Variants in FEZF1 observed in about 807,000 individuals in gnomAD.
FEZF1 encodes FEZ family zinc finger 1.
In FEZF1, 8 loss-of-function variants were observed where a neutral mutation model predicts 32.4. That is an observed-to-expected ratio of 0.25 (90% CI 0.15 to 0.45). FEZF1 has a LOEUF of 0.45. FEZF1 is among the 20% of genes least tolerant of loss of function. The probability of loss-of-function intolerance (pLI) is 1.00; values close to 1 mark genes in which losing one functional copy is unlikely to be tolerated. For synonymous variants in FEZF1, 259 were observed against 265.2 expected, an observed-to-expected ratio of 0.98 and a Z score of 0.23; for missense variants, 546 against 622.3, an observed-to-expected ratio of 0.88 and a Z score of 1.31.
upstream of FEZF1, among the ~76,000 whole-genome samples, chr7:122,307,642 T>C (rs561943143): frequency 6.6e-6 from 1 of 152,396 alleles, no homozygotes; most frequent in South Asian, 2.1e-4. Flanking sequence ...TTGTATAGTT[T>C]ATATTTCAAC....
rs1205922729 is a variant in FEZF1 at position 122,302,794 on chromosome 7, C to T, written c.1069+5G>A. On this transcript the variant is annotated splice_donor_5th_base_variant and intron_variant, in intron 3 of 3. Coordinates refer to ENST00000442488, the MANE Select transcript of FEZF1 (RefSeq NM_001024613.4). The surrounding 1 kb of genome is among the most constrained non-coding windows in gnomAD (Gnocchi z 4.4). The stretch of plus-strand genomic sequence containing the variant: ...ACCATGAGAGACATTTCCTGGTTTG[C>T]ATACCTTTTTGATGAAACCCTTTGC... 1.9e-6 allele frequency: 3 copies of T among 1,612,984 alleles called. No homozygotes were observed. The African/African-American group carries it at 4.0e-5, about 22-fold the overall frequency.
chr7:122,303,641 C>T lies in FEZF1; in HGVS notation c.797G>A (p.Gly266Glu). ...KPKVFTCEVC[G>E]KVFNAHYNLT... Reference sequence around the variant, plus strand: ...TCCGTTTTGCATTGTACTTGCCTTTCCACACACTTCGCAAGTGAAAACTTT... The same window carrying T: ...TCCGTTTTGCATTGTACTTGCCTTTTCACACACTTCGCAAGTGAAAACTTT... The change falls in exon 1 of 4, where the codon GGA becomes GAA. Residue 266 changes from glycine to glutamate, a missense_variant. Around this residue, in one of 3 missense-constraint regions of FEZF1, gnomAD observed 345 missense variants for 360.6 expected, o/e 0.96. Coordinates refer to ENST00000442488, the MANE Select transcript of FEZF1 (RefSeq NM_001024613.4). 6 of 1,613,314 alleles carry T rather than the reference C, an allele frequency of 3.7e-6. No homozygotes were observed. The highest frequency in any genetic ancestry group is 5.1e-6 in the Non-Finnish European group (6 of 1,179,698).
chr7:122,307,705 A>C (rs994555808), upstream of FEZF1, among the ~76,000 whole-genome samples: 2 of 152,270 alleles, frequency 1.3e-5, no homozygotes, highest in Non-Finnish European at 2.9e-5. Flanking sequence ...AAGTGTTTGA[A>C]AATGTCATTT....
rs983837897 is a variant in FEZF1 at position 122,304,607 on chromosome 7, G to T, written c.-170C>A. The T allele has an allele frequency of 2.0e-6, 1 of 496,512 alleles. No individual in the cohort carries two copies. The highest frequency in any genetic ancestry group is 1.9e-5 in the African/African-American group (1 of 51,568). 30.8% of individuals were successfully genotyped at this position (496,512 alleles called of 1,614,324 possible). On this transcript the variant is annotated 5_prime_UTR_variant, in exon 1 of 4. Coordinates refer to ENST00000442488, the MANE Select transcript of FEZF1 (RefSeq NM_001024613.4). ...CCGAACCTGCCTGCCCAGCCCAATGGACTCCTGCCAGCCCATCGCAGAGTT... is the reference window on the plus strand; with the variant it reads ...CCGAACCTGCCTGCCCAGCCCAATGTACTCCTGCCAGCCCATCGCAGAGTT...
In FEZF1 at chr7:122,304,034, G is replaced by T; in HGVS notation, c.404C>A (p.Ala135Glu). 1.3e-6 allele frequency: 2 copies of T among 1,559,456 alleles called. No homozygotes were observed. Among genetic ancestry groups the T allele is most frequent in the South Asian group, 1.2e-5 (1 of 86,234 alleles). Residue 135 changes from alanine (A) to glutamate (E), a missense_variant, in exon 1 of 4, where the codon GCG becomes GAG. This residue lies in a region of FEZF1 where 345 missense variants were observed against 360.6 expected (regional missense o/e 0.96). Coordinates refer to ENST00000442488, the MANE Select transcript of FEZF1 (RefSeq NM_001024613.4). The stretch of plus-strand genomic sequence containing the variant: ...CAGCTTGTACTGCTGCAGCGGCAGC[G>T]CGTCGCGGGCCAGGTCGCCCTTGAG... ...LSLKGDLARD[A>E]LPLQQYKLVR... is the part of the protein sequence containing the mutation.
In FEZF1 at chr7:122,303,987, G is replaced by T; in HGVS notation, c.451C>A (p.His151Asn). 1 of 1,581,132 alleles carries T rather than the reference G, an allele frequency of 6.3e-7. No homozygotes were observed. Among genetic ancestry groups the T allele is most frequent in the Admixed American group, 1.8e-5 (1 of 54,208 alleles). ...YKLVRPRVVN[H>N]SSFHAMGALC... ...GCGCCCATGGCGTGGAATGAAGAGT[G>T]GTTGACCACACGCGGCCTTACCAGC... Residue 151 changes from histidine (H) to asparagine (N), a missense_variant, in exon 1 of 4, where the codon CAC becomes AAC. His to Asn is a moderately conservative substitution (Grantham distance 68, BLOSUM62 1). Around this residue, in one of 3 missense-constraint regions of FEZF1, gnomAD observed 345 missense variants for 360.6 expected, o/e 0.96. Coordinates refer to ENST00000442488, the MANE Select transcript of FEZF1 (RefSeq NM_001024613.4).
chr7:122,303,673 G>C lies in FEZF1; in HGVS notation c.765C>G (p.Ala255=). The change falls in exon 1 of 4, where the codon GCC becomes GCG. Residue 255 remains alanine, a synonymous_variant. Coordinates refer to ENST00000442488, the MANE Select transcript of FEZF1 (RefSeq NM_001024613.4). ...TSDFSRGSPN[A]KPKVFTCEVC... ...CTTCGCAAGTGAAAACTTTGGGCTTGGCATTAGGAGAGCCTCGGCTGAAAT... is the reference window on the plus strand; with the variant it reads ...CTTCGCAAGTGAAAACTTTGGGCTTCGCATTAGGAGAGCCTCGGCTGAAAT... 6.2e-7 allele frequency: 1 copy of C among 1,614,112 alleles called. No homozygotes were observed. Among genetic ancestry groups the C allele is most frequent in the East Asian group, 2.2e-5 (1 of 44,862 alleles).
At chr7:122,303,556 G>GGGAGGGAA in intron 1 of FEZF1, 81 bp downstream of exon 1, 1 of 329,656 alleles carries the variant, frequency 3.0e-6, no homozygotes, top group Admixed American at 4.0e-5. Context: ...GAAGGAAGGA[G>GGGAGGGAA]GGAAGGAGGG....
In FEZF1 at chr7:122,302,262, G is replaced by A; in HGVS notation, c.1163C>T (p.Thr388Ile). The A allele has an allele frequency of 6.2e-7, 1 of 1,614,212 alleles. No homozygotes were observed. Among genetic ancestry groups the A allele is most frequent in the Non-Finnish European group, 8.5e-7 (1 of 1,180,048 alleles). ...NKAFHQVYNL[T>I]FHMHTHNDKK... ...GTCGTTGTGGGTGTGCATGTGGAAGGTGAGGTTGTAAACCTGGTGGAAAGC... is the reference window on the plus strand; with the variant it reads ...GTCGTTGTGGGTGTGCATGTGGAAGATGAGGTTGTAAACCTGGTGGAAAGC... Residue 388 changes from threonine (T) to isoleucine (I), a missense_variant, in exon 4 of 4, where the codon ACC (threonine) becomes ATC (isoleucine). Transcript: ENST00000442488. The surrounding 1 kb of genome is among the most constrained non-coding windows in gnomAD (Gnocchi z 4.4).
rs542511212 is a variant in FEZF1 at position 122,303,652 on chromosome 7, G to A, written c.786C>T (p.Cys262=). ...TTGTACTTGCCTTTCCACACACTTC[G>A]CAAGTGAAAACTTTGGGCTTGGCAT... is the stretch of plus-strand genomic sequence containing the variant. The part of the protein sequence containing the change: ...SPNAKPKVFT[C]EVCGKVFNAH... The change falls in exon 1 of 4, where the codon TGC becomes TGT. Residue 262 remains cysteine (C), a synonymous_variant. Coordinates refer to ENST00000442488, the MANE Select transcript of FEZF1 (RefSeq NM_001024613.4). 154 of 1,613,758 alleles carry A rather than the reference G, an allele frequency of 9.5e-5. 3 individuals carry two copies. The South Asian group carries it at 1.5e-3, about 16-fold the overall frequency.
upstream of FEZF1, chr7:122,309,550 C>T (rs1353949883): frequency 6.6e-6 from 1 of 151,724 alleles, no homozygotes; most frequent in African/African-American, 2.4e-5. Flanking sequence ...TGACCCTCCA[C>T]TAATGCTGAG....
chr7:122,309,788 C>T (rs570730144), intron 1 of FEZF1: 2 of 152,152 alleles, frequency 1.3e-5, no homozygotes. Flanking sequence ...TAGAAGATAG[C>T]CCAAACATGC....
chr7:122,304,416 C>T lies in FEZF1; in HGVS notation c.22G>A (p.Ala8Thr). Residue 8 changes from alanine (A) to threonine (T), a missense_variant, in exon 1 of 4, where the codon GCG becomes ACG. Physicochemically the swap from Ala to Thr is moderately conservative, Grantham distance 58 (BLOSUM62 0). Transcript: ENST00000442488. MDSSCHN[A>T]TTKMLATAPA... ...GCAGTCGCTAACATTTTGGTAGTCGCGTTGTGGCAGCTACTGTCCATGTCT... is the reference window on the plus strand; with the variant it reads ...GCAGTCGCTAACATTTTGGTAGTCGTGTTGTGGCAGCTACTGTCCATGTCT... 2 of 1,572,214 alleles carry T rather than the reference C, an allele frequency of 1.3e-6. No homozygotes were observed. The highest frequency in any genetic ancestry group is 1.7e-6 in the Non-Finnish European group (2 of 1,153,498).
At position 122,304,329 on chromosome 7, in the gene FEZF1, T is replaced by A. The variant is rs1319577965; in HGVS notation, c.109A>T (p.Met37Leu). ...KPLAFSIERI[M>L]ARTPEPKALP... The stretch of plus-strand genomic sequence containing the variant: ...GCCTTGGGCTCTGGGGTGCGCGCCA[T>A]GATTCGTTCAATGGAGAAAGCCAAG... The change falls in exon 1 of 4, where the codon ATG becomes TTG. Residue 37 changes from methionine (M) to leucine (L), a missense_variant. Physicochemically the swap from Met to Leu is conservative, Grantham distance 15. Around this residue, in one of 3 missense-constraint regions of FEZF1, gnomAD observed 345 missense variants for 360.6 expected, o/e 0.96. Coordinates refer to ENST00000442488, the MANE Select transcript of FEZF1 (RefSeq NM_001024613.4). 2 of 1,613,022 alleles carry A rather than the reference T, an allele frequency of 1.2e-6. No individual in the cohort carries two copies. Among genetic ancestry groups the A allele is most frequent in the Admixed American group, 3.3e-5 (2 of 59,894 alleles).
chr7:122,301,931 G>C lies in FEZF1; in HGVS notation c.*66C>G. ...GGGTCTGCAGACGAACTCGGACCAGGAGCTCTAGTCTGCCGCTGCCTCAGC... is the reference window on the plus strand; with the variant it reads ...GGGTCTGCAGACGAACTCGGACCAGCAGCTCTAGTCTGCCGCTGCCTCAGC... On this transcript the variant is annotated 3_prime_UTR_variant, in exon 4 of 4. Transcript: ENST00000442488. 1.3e-6 allele frequency: 2 copies of C among 1,529,066 alleles called. No homozygotes were observed. The highest frequency in any genetic ancestry group is 2.8e-5 in the African/African-American group (2 of 71,768). 94.7% of individuals were successfully genotyped at this position (1,529,066 alleles called of 1,614,324 possible). A position where few individuals can be genotyped will look rare whatever the true frequency, so the allele number is the denominator to read the frequency against.
At chr7:122,305,429 T>C (rs1261963992), upstream of FEZF1, 1 of 152,190 alleles carries the variant, frequency 6.6e-6, no homozygotes, top group Admixed American at 6.5e-5. Flanking sequence ...TCTGTGTTTG[T>C]GGTTTTGTAA....
In FEZF1 at chr7:122,303,105, A is replaced by T; in HGVS notation, c.936+72T>A. 5 of 1,601,802 alleles carry T rather than the reference A, an allele frequency of 3.1e-6. No homozygotes were observed. The South Asian group carries it at 5.6e-5, about 18-fold the overall frequency. On this transcript the variant is annotated intron_variant, in intron 2 of 3. Transcript: ENST00000442488. Reference sequence around the variant, plus strand: ...TTAAATGAACGTTATCCTAAAGAGTAAGGTTTTATCGGCTGTTTTTCTGCA... The same window carrying T: ...TTAAATGAACGTTATCCTAAAGAGTTAGGTTTTATCGGCTGTTTTTCTGCA...
chr7:122,304,433 T>G lies in FEZF1; in HGVS notation c.5A>C (p.Asp2Ala), dbSNP rs748683080. 1.9e-6 allele frequency: 3 copies of G among 1,551,720 alleles called. No homozygotes were observed. In the African/African-American group the frequency reaches 4.1e-5, roughly 21 times the overall value. Residue 2 changes from aspartate (D) to alanine (A), a missense_variant, in exon 1 of 4, where the codon GAC (aspartate) becomes GCC (alanine). Transcript: ENST00000442488. The stretch of plus-strand genomic sequence containing the variant: ...GGTAGTCGCGTTGTGGCAGCTACTG[T>G]CCATGTCTGAGTCGCCAGCGTCCGT... MDSSCHNATTKM... is the reference protein window; with the variant it reads MASSCHNATTKM...
Position 122,302,424 on chromosome 7 carries a change from C to A in FEZF1, c.1070-69G>T. ...TAGCTTAAAAAGGGAGGAGCAGACA[C>A]GTGGAAGGTAGCGCCAGGCAAGCAG... On this transcript the variant is annotated intron_variant, in intron 3 of 3. Coordinates refer to ENST00000442488, the MANE Select transcript of FEZF1 (RefSeq NM_001024613.4). The surrounding 1 kb of genome is among the most constrained non-coding windows in gnomAD (Gnocchi z 4.4). The A allele has an allele frequency of 6.3e-7, 1 of 1,595,110 alleles. No homozygotes were observed. The highest frequency in any genetic ancestry group is 1.1e-5 in the South Asian group (1 of 88,902).
Sources: gnomAD v4.1 joint callset for allele counts (sites outside exome capture counted in the v4.1 genomes callset) on GRCh38, gnomAD v4.1.1 for gene constraint, gnomAD v4.1.1 regional missense constraint, Gnocchi (gnomAD v3.1) non-coding constraint, MANE v1.5 for transcripts, NCBI Gene and HGNC (gene_info 2026-07-23, HGNC 2026-07-21) for gene names.